Variants in FHAD1 observed in about 807,000 individuals in gnomAD.
FHAD1 encodes forkhead associated phosphopeptide binding domain 1, also known as forkhead-associated domain-containing protein 1.
A neutral mutation model predicts 191.3 loss-of-function variants in FHAD1; 146 were observed. The ratio of observed to expected loss-of-function variants is 0.76; its 90% confidence interval spans 0.67 to 0.88. The LOEUF (loss-of-function observed/expected upper bound fraction) is 0.88, where lower values mean the gene tolerates loss of function less well. FHAD1 is among the 40% of genes least tolerant of loss of function. FHAD1 has a pLI of 0.00. For missense variants in FHAD1, 1,635 were observed against 1,785.8 expected (o/e 0.92, Z 1.52); for synonymous variants, 616 against 672.3 (o/e 0.92, Z 1.29).
intron 2 of FHAD1, among the ~76,000 whole-genome samples, chr1:15,267,852 A>T (rs911146335): frequency 9.4e-4 from 138 of 147,468 alleles, no homozygotes; most frequent in Non-Finnish European, 1.8e-3. Context: ...TAAAATAAAT[A>T]TTTTATATAT....
At chr1:15,363,719 C>T (rs183492977) in intron 23 of FHAD1, 27 of 455,674 alleles carry the variant, frequency 5.9e-5, no homozygotes, top group Admixed American at 5.7e-4. Context: ...ATGATTTCAA[C>T]TCTCCTGACC....
chr1:15,312,977 G>A lies in FHAD1; in HGVS notation c.1040-80G>A, dbSNP rs543439064. 1.5e-5 allele frequency: 23 copies of A among 1,519,478 alleles called. 1 individual carries two copies. The highest frequency in any genetic ancestry group is 1.1e-4 in the South Asian group (9 of 78,762). The allele number at this position is 1,519,478 out of a possible 1,614,324, so 94.1% of individuals were successfully genotyped here. On this transcript the variant is annotated intron_variant, in intron 7 of 33. Transcript: ENST00000688493. This position sits in a 1 kb window ranked among gnomAD's most constrained non-coding sequence, Gnocchi z 4.7. ...CACCTCCCTTCTCAGTGCCAGGCTC[G>A]TCACAAACTGGTTGACAGCGGCAGC...
upstream of FHAD1, among the ~76,000 whole-genome samples, chr1:15,242,342 ACTTGACTTTTCTGTGCCT>A (rs1645490818): frequency 6.6e-6 from 1 of 152,028 alleles, no homozygotes; most frequent in Non-Finnish European, 1.5e-5. Context: ...TGGTTAAGTT[ACTTGACTTTTCTGTGCCT>A]CAATTTCTCT....
intron 1 of FHAD1, among the ~76,000 whole-genome samples, chr1:15,239,155 C>T (rs1645090039): frequency 1.3e-5 from 2 of 152,196 alleles, no homozygotes; most frequent in Admixed American, 6.5e-5. Context: ...GATCCTCTCA[C>T]CTCAGCCTCC....
At chr1:15,255,808 A>T (rs1647765586) in intron 2 of FHAD1, among the ~76,000 whole-genome samples, 1 of 152,248 alleles carries the variant, frequency 6.6e-6, no homozygotes, top group African/African-American at 2.4e-5. Flanking sequence ...ACTGAAAGAA[A>T]ACCAGTGTGT....
intron 20 of FHAD1, among the ~76,000 whole-genome samples, chr1:15,356,634 G>C (rs1331916194): frequency 6.6e-6 from 1 of 152,186 alleles, no homozygotes; most frequent in Non-Finnish European, 1.5e-5. Context: ...CACTTTGGGA[G>C]GTCGAGGTGG....
At chr1:15,256,313 T>C (rs1422939056) in intron 2 of FHAD1, among the ~76,000 whole-genome samples, 1 of 152,128 alleles carries the variant, frequency 6.6e-6, no homozygotes, top group East Asian at 1.9e-4. Context: ...AATCTGTCCA[T>C]TTCTCTGCTC....
Position 15,367,536 on chromosome 1 carries a change from G to A in FHAD1, c.3228G>A (p.Leu1076=). The change falls in exon 25 of 34, where the codon CTG becomes CTA. Residue 1076 remains leucine, a synonymous_variant. Transcript: ENST00000688493. ...VVLVQQQSKE[L]SVLKEKMAQM... ...TGGTCCAGCAGCAGAGCAAGGAGCT[G>A]AGTGTGCTCAAGGAGAAGATGGCCC... 1.3e-6 allele frequency: 2 copies of A among 1,547,858 alleles called. No homozygotes were observed. Among genetic ancestry groups the A allele is most frequent in the Non-Finnish European group, 1.7e-6 (2 of 1,144,982 alleles).
In FHAD1 at chr1:15,345,532, G is replaced by A. The variant is rs1260273925; in HGVS notation, c.2346+9G>A. On this transcript the variant is annotated intron_variant, in intron 18 of 33. Coordinates refer to ENST00000688493, the MANE Select transcript of FHAD1 (RefSeq NM_001391957.1). The stretch of plus-strand genomic sequence containing the variant: ...TGGCCCGCCAGAAGGAGGTACGCTC[G>A]GGGAGATAGAGTCGGCTGAGCCCCA... 85 of 1,549,512 alleles carry A rather than the reference G, an allele frequency of 5.5e-5. No individual in the cohort carries two copies. In the East Asian group the frequency reaches 9.0e-4, roughly 16 times the overall value.
rs561691857 is a variant in FHAD1, at chr1:15,294,864, G to A, written c.569-1820G>A. Among the ~76,000 whole-genome samples the A allele has an allele frequency of 9.2e-5, 14 of 152,220 alleles. No individual in the cohort carries two copies. The South Asian group carries it at 1.5e-3, about 16-fold the overall frequency. ...CAAGGCCCCCGTCTTGGTGGTGCTC[G>A]CCCTTCTCCTCGAACAGGCAGTAAG... On this transcript the variant is annotated intron_variant, in intron 4 of 33. Transcript: ENST00000688493.
chr1:15,345,269 C>A, intron 17 of FHAD1, 79 bp downstream of exon 17: 3 of 1,400,340 alleles, frequency 2.1e-6, no homozygotes, highest in Non-Finnish European at 3.0e-6. Flanking sequence ...TGGTCTGGGC[C>A]CGCCGGCTCT....
intron 32 of FHAD1, 170 bp downstream of exon 32, chr1:15,388,301 T>TCCCC (rs763922008): frequency 4.1e-5 from 6 of 148,060 alleles, no homozygotes; most frequent in Non-Finnish European, 8.1e-5. Flanking sequence ...CCTCCTTCCC[T>TCCCC]TCCCTCCCCA....
In FHAD1 at chr1:15,398,143, T is replaced by C. The variant is rs969468524; in HGVS notation, c.*730T>C. The C allele has an allele frequency of 1.4e-5, 2 of 145,442 alleles. No individual in the cohort carries two copies. Among genetic ancestry groups the C allele is most frequent in the African/African-American group, 5.2e-5 (2 of 38,374 alleles). 9.0% of individuals were successfully genotyped at this position (145,442 alleles called of 1,614,324 possible). ...CTCTGTCTTTAAAAAAAAAAAAAAATGGCTGGGCCTGTAATCCCAGCTACT... is the reference window on the plus strand; with the variant it reads ...CTCTGTCTTTAAAAAAAAAAAAAAACGGCTGGGCCTGTAATCCCAGCTACT... On this transcript the variant is annotated 3_prime_UTR_variant, in exon 34 of 34. Transcript: ENST00000688493.
rs139768229 is a variant in FHAD1 at position 15,363,966 on chromosome 1, A to G, written c.3047+1240A>G. On this transcript the variant is annotated intron_variant, in intron 23 of 33. Transcript: ENST00000688493. ...GGGTTTTTACCCCAAAAAGACAAGG[A>G]TACTCAGCCTCCGCATTGTGAAAAG... The G allele has an allele frequency of 1.1e-3, 372 of 348,632 alleles. 2 individuals carry two copies. Among genetic ancestry groups the G allele is most frequent in the African/African-American group, 7.4e-3 (344 of 46,564 alleles). 21.6% of individuals were successfully genotyped at this position (348,632 alleles called of 1,614,324 possible).
At chr1:15,347,957 A>G (rs1393958212) in intron 18 of FHAD1, among the ~76,000 whole-genome samples, 2 of 152,228 alleles carry the variant, frequency 1.3e-5, no homozygotes, top group Non-Finnish European at 2.9e-5. Context: ...CCGACTGCAG[A>G]GAAGCCACCC....
At chr1:15,246,353 T>C (rs1646030866), upstream of FHAD1, among the ~76,000 whole-genome samples, 1 of 152,186 alleles carries the variant, frequency 6.6e-6, no homozygotes, top group African/African-American at 2.4e-5. Context: ...GGGTAGAATG[T>C]GCCATAGTTC....
intron 15 of FHAD1, among the ~76,000 whole-genome samples, chr1:15,340,521 A>G (rs1027819126): frequency 1.3e-5 from 2 of 152,172 alleles, no homozygotes; most frequent in Admixed American, 6.5e-5. Context: ...ACTACGAGGT[A>G]TAAAAGAAAG....
intron 14 of FHAD1, among the ~76,000 whole-genome samples, chr1:15,333,822 A>ATTT (rs1682779495): frequency 1.5e-5 from 1 of 68,380 alleles, no homozygotes; most frequent in Non-Finnish European, 3.0e-5. Context: ...TATTTTATTT[A>ATTT]TCTTTTTTTT....
chr1:15,389,447 C>CAAAAAAAAAAAAAAAAAAAAAAAAAAAA lies in FHAD1; in HGVS notation c.4269+1337_4269+1338insAAAAAAAAAAAAAAAAAAAAAAAAAAAA, dbSNP rs570569622. On this transcript the variant is annotated intron_variant, in intron 32 of 33. Coordinates refer to ENST00000688493, the MANE Select transcript of FHAD1 (RefSeq NM_001391957.1). ...TGAGCAACAGAGGAAGAACCTGTCTCAAAAAAAAAAAAAAAAAAAAACCTG... is the reference window on the plus strand; with the variant it reads ...TGAGCAACAGAGGAAGAACCTGTCTCAAAAAAAAAAAAAAAAAAAAAAAAAAAAAAAAAAAAAAAAAAAAAAAAACCTG... Among the ~76,000 whole-genome samples the CAAAAAAAAAAAAAAAAAAAAAAAAAAAA allele has an allele frequency of 7.6e-4, 41 of 54,220 alleles. 2 individuals are homozygous for CAAAAAAAAAAAAAAAAAAAAAAAAAAAA. Among genetic ancestry groups the CAAAAAAAAAAAAAAAAAAAAAAAAAAAA allele is most frequent in the African/African-American group, 1.6e-3 (21 of 12,906 alleles). The allele number at this position is 54,220 out of a possible 152,430, so 35.6% of individuals were successfully genotyped here. A position where few individuals can be genotyped will look rare whatever the true frequency, so the allele number is the denominator to read the frequency against.
Sources: allele counts gnomAD v4.1 joint callset (sites outside exome capture counted in the v4.1 genomes callset), GRCh38; gene constraint gnomAD v4.1.1; non-coding constraint Gnocchi (gnomAD v3.1); transcripts MANE v1.5; gene names NCBI Gene and HGNC (gene_info 2026-07-23, HGNC 2026-07-21).